Variants in CARMIL1 observed in about 807,000 individuals in gnomAD.
The protein encoded by CARMIL1 is capping protein regulator and myosin 1 linker 1.
A neutral mutation model predicts 177.1 loss-of-function variants in CARMIL1; 90 were observed. The ratio of observed to expected loss-of-function variants is 0.51; its 90% CI spans 0.43 to 0.61. CARMIL1 has a LOEUF of 0.61. Among genes scored for constraint, CARMIL1 ranks in the 20% least tolerant of loss-of-function variants. The pLI is 0.00. For synonymous variants in CARMIL1, 577 were observed against 606.2 expected (o/e 0.95, Z 0.71); for missense variants, 1,380 against 1,667.0 (o/e 0.83, Z 3.00).
chr6:25,448,340 G>A, intron 5 of CARMIL1, among the ~76,000 whole-genome samples: 1 of 152,132 alleles, frequency 6.6e-6, no homozygotes. Context: ...AGATTCTTCT[G>A]TTACTCCTTT....
rs1759598651 is a variant in CARMIL1, at chr6:25,619,781, T to C, written c.*198T>C. 1 of 373,412 alleles carries C rather than the reference T, an allele frequency of 2.7e-6. No individual in the cohort carries two copies. The highest frequency in any genetic ancestry group is 4.5e-6 in the Non-Finnish European group (1 of 222,262). 23.1% of individuals were successfully genotyped at this position (373,412 alleles called of 1,614,324 possible). The stretch of plus-strand genomic sequence containing the variant: ...TTTTTTGTATAGAAACAGATCCATT[T>C]CTTGGTAATCAAAGCACATTTGTTT... On this transcript the variant is annotated 3_prime_UTR_variant, in exon 37 of 37. Transcript: ENST00000329474.
At chr6:25,459,156 G>A (rs1256678487) in intron 8 of CARMIL1, among the ~76,000 whole-genome samples, 1 of 151,242 alleles carries the variant, frequency 6.6e-6, no homozygotes, top group Non-Finnish European at 1.5e-5. Flanking sequence ...AGTTTTAAGG[G>A]AAGGTTTCGA....
chr6:25,451,986 G>GCCA, intron 8 of CARMIL1: 7 of 112,668 alleles, frequency 6.2e-5, no homozygotes, highest in East Asian at 2.0e-4. Flanking sequence ...CTAGCATCTT[G>GCCA]CCCCCCCCTC....
intron 29 of CARMIL1, among the ~76,000 whole-genome samples, chr6:25,566,953 A>C (rs953325604): frequency 6.6e-6 from 1 of 152,264 alleles, no homozygotes; most frequent in African/African-American, 2.4e-5. Context: ...GCTGTCAGCA[A>C]GTTGCTGAGG....
intron 2 of CARMIL1, among the ~76,000 whole-genome samples, chr6:25,417,896 A>C (rs1157074703): frequency 1.3e-5 from 2 of 152,164 alleles, no homozygotes; most frequent in Non-Finnish European, 2.9e-5. Flanking sequence ...ACTCTCCTCA[A>C]AGATATTCAC....
chr6:25,353,574 A>G (rs1478938350), intron 2 of CARMIL1, among the ~76,000 whole-genome samples: 1 of 152,202 alleles, frequency 6.6e-6, no homozygotes, highest in Non-Finnish European at 1.5e-5. Context: ...GAGCCAGCTG[A>G]AGGATGTCTT....
chr6:25,410,595 A>G (rs114322059), intron 2 of CARMIL1, among the ~76,000 whole-genome samples: 1,680 of 96,084 alleles, frequency 0.017, 30 homozygotes, highest in African/African-American at 0.068. Flanking sequence ...ATTTGGTGCC[A>G]GGCCCAGGAG....
In CARMIL1 at chr6:25,445,701, A is replaced by AT. The variant is rs572438327; in HGVS notation, c.372-4187dup. On this transcript the variant is annotated intron_variant, in intron 5 of 36. Coordinates refer to ENST00000329474, the MANE Select transcript of CARMIL1 (RefSeq NM_017640.6). ...AGGTGCCCGCCACCAGGTCCGGCTA[A>AT]TTTTTTTTTTGTATTTTTAGTAGAG... Among the ~76,000 whole-genome samples, 141 of 148,676 alleles carry AT rather than the reference A, an allele frequency of 9.5e-4. 1 individual carries two copies. Among genetic ancestry groups the AT allele is most frequent in the South Asian group, 2.6e-3 (12 of 4,666 alleles).
At chr6:25,477,131 C>A (rs985502356) in intron 11 of CARMIL1, among the ~76,000 whole-genome samples, 34 of 132,944 alleles carry the variant, frequency 2.6e-4, no homozygotes, top group South Asian at 7.4e-4. Flanking sequence ...AAAAAAAAAA[C>A]AAGGGAGATA....
chr6:25,348,281 C>T (rs1458603948), intron 2 of CARMIL1, among the ~76,000 whole-genome samples: 4 of 151,734 alleles, frequency 2.6e-5, no homozygotes, highest in African/African-American at 4.8e-5. Flanking sequence ...TACAGGCATG[C>T]GCCACCACAG....
At chr6:25,427,574 C>G (rs1189367373) in intron 4 of CARMIL1, among the ~76,000 whole-genome samples, 1 of 152,070 alleles carries the variant, frequency 6.6e-6, no homozygotes, top group East Asian at 1.9e-4. Flanking sequence ...GTGTAATTAC[C>G]TAGGGGTAGA....
At chr6:25,606,372 C>A in intron 35 of CARMIL1, 99 bp downstream of exon 35, 2 of 1,055,152 alleles carry the variant, frequency 1.9e-6, no homozygotes, top group Non-Finnish European at 2.7e-6. Flanking sequence ...AGCTGGTGAG[C>A]GAGGTACAGC....
intron 22 of CARMIL1, among the ~76,000 whole-genome samples, chr6:25,518,056 A>G (rs1053012722): frequency 6.6e-6 from 1 of 152,246 alleles, no homozygotes; most frequent in African/African-American, 2.4e-5. Context: ...GAAGTGAACA[A>G]AGCAGATTTA....
At chr6:25,298,127 A>G (rs1266807014) in intron 2 of CARMIL1, among the ~76,000 whole-genome samples, 2 of 152,254 alleles carry the variant, frequency 1.3e-5, no homozygotes, top group African/African-American at 4.8e-5. Context: ...GGGATATTAC[A>G]TATAAAATAT....
intron 24 of CARMIL1, among the ~76,000 whole-genome samples, chr6:25,535,769 A>T (rs1808238324): frequency 6.6e-6 from 1 of 152,156 alleles, no homozygotes; most frequent in Non-Finnish European, 1.5e-5. Flanking sequence ...CAAAATTTTC[A>T]ATCTGTACTC....
chr6:25,574,236 C>CT (rs1349517916), intron 29 of CARMIL1, among the ~76,000 whole-genome samples: 1 of 152,210 alleles, frequency 6.6e-6, no homozygotes, highest in Non-Finnish European at 1.5e-5. Context: ...AGAGTGATTT[C>CT]TTTAAGTATT....
chr6:25,604,208 G>T (rs1815711674), intron 33 of CARMIL1, among the ~76,000 whole-genome samples: 1 of 152,138 alleles, frequency 6.6e-6, no homozygotes, highest in Non-Finnish European at 1.5e-5. Context: ...CTCCTGAGTA[G>T]CTGGGACTTC....
intron 3 of CARMIL1, among the ~76,000 whole-genome samples, chr6:25,420,861 T>C (rs547558845): frequency 1.3e-5 from 2 of 152,252 alleles, no homozygotes; most frequent in South Asian, 4.1e-4. Flanking sequence ...TTATATGATA[T>C]TGACTGAATG....
chr6:25,479,169 T>C, intron 11 of CARMIL1: 1 of 519,040 alleles, frequency 1.9e-6, no homozygotes, highest in South Asian at 1.4e-5. Context: ...ACCTTGTGGT[T>C]TGCCCCAGTG....
Sources: allele counts gnomAD v4.1 joint callset (sites outside exome capture counted in the v4.1 genomes callset), GRCh38; gene constraint gnomAD v4.1.1; transcripts MANE v1.5; gene names NCBI Gene and HGNC (gene_info 2026-07-23, HGNC 2026-07-21).